CSGALNACT1: variants seen among roughly 807,000 people sequenced by gnomAD.
CSGALNACT1 encodes chondroitin sulfate N-acetylgalactosaminyltransferase 1.
In CSGALNACT1, 52 loss-of-function variants were observed where a neutral mutation model predicts 51.0. The observed-to-expected ratio is 1.02, with a 90% CI of 0.82 to 1.29. The LOEUF is 1.29. Ranked by LOEUF, CSGALNACT1 falls within the 50% of genes most tolerant of loss-of-function variation. The probability of loss-of-function intolerance (pLI) is 0.00; values close to 1 mark genes in which losing one functional copy is unlikely to be tolerated. For synonymous variants in CSGALNACT1, 341 were observed against 254.4 expected (o/e 1.34, Z -3.24); for missense variants, 935 against 679.2 (o/e 1.38, Z -4.19).
At chr8:19,539,962 C>T (rs1187701968) in intron 3 of CSGALNACT1, among the ~76,000 whole-genome samples, 1 of 152,136 alleles carries the variant, frequency 6.6e-6, no homozygotes, top group Admixed American at 6.5e-5. Flanking sequence ...CATCAGACTC[C>T]TCCCTCTTGA....
chr8:19,439,407 T>G (rs1480656820), intron 6 of CSGALNACT1, among the ~76,000 whole-genome samples: 1 of 152,222 alleles, frequency 6.6e-6, no homozygotes, highest in Non-Finnish European at 1.5e-5. Context: ...GTGGATGAGA[T>G]CTGAGCATAG....
chr8:19,503,895 T>C (rs765440582), intron 4 of CSGALNACT1, among the ~76,000 whole-genome samples: 6 of 152,120 alleles, frequency 3.9e-5, no homozygotes, highest in Non-Finnish European at 8.8e-5. Context: ...ATGGTTCACT[T>C]ATCAAGTCTA....
At chr8:19,564,813 CA>C (rs1564071772) in intron 3 of CSGALNACT1, among the ~76,000 whole-genome samples, 1 of 152,180 alleles carries the variant, frequency 6.6e-6, no homozygotes. Flanking sequence ...TACCTTGCCC[CA>C]TGAGAATGTA....
At chr8:19,462,851 G>A (rs1001915528) in intron 4 of CSGALNACT1, among the ~76,000 whole-genome samples, 9 of 151,772 alleles carry the variant, frequency 5.9e-5, no homozygotes, top group Non-Finnish European at 8.8e-5. Context: ...AGGAACATGT[G>A]TAGGTTTGTT....
At chr8:19,575,159 G>A (rs530434407) in intron 3 of CSGALNACT1, among the ~76,000 whole-genome samples, 1 of 152,266 alleles carries the variant, frequency 6.6e-6, no homozygotes, top group Non-Finnish European at 1.5e-5. Context: ...AGTGCAAAAT[G>A]CAATTTTAAA....
chr8:19,636,333 A>C lies in CSGALNACT1; in HGVS notation c.-543-34468T>G, dbSNP rs189561472. On this transcript the variant is annotated intron_variant, in intron 1 of 9. Coordinates refer to the CSGALNACT1 transcript ENST00000332246. ...TCATAGATAAGTATATATTCAAAAA[A>C]ACACTATAATATATATTAGGGTTTG... is the stretch of plus-strand genomic sequence containing the variant. Among the ~76,000 whole-genome samples, 415 of 152,358 alleles carry C rather than the reference A, an allele frequency of 2.7e-3. 4 individuals are homozygous for C. The highest frequency in any genetic ancestry group is 4.0e-3 in the Non-Finnish European group (271 of 68,034).
chr8:19,556,019 G>A (rs113052494), intron 3 of CSGALNACT1, among the ~76,000 whole-genome samples: 2 of 152,104 alleles, frequency 1.3e-5, no homozygotes, highest in Admixed American at 6.6e-5. Flanking sequence ...TCGAAGATAA[G>A]AACGATAACA....
At chr8:19,663,280 G>T (rs773317462) in intron 1 of CSGALNACT1, among the ~76,000 whole-genome samples, 4 of 152,106 alleles carry the variant, frequency 2.6e-5, no homozygotes, top group African/African-American at 4.8e-5. Context: ...AATTGTACCT[G>T]AGGTTTTTTT....
At chr8:19,593,605 G>C (rs1243640901) in intron 2 of CSGALNACT1, among the ~76,000 whole-genome samples, 1 of 152,210 alleles carries the variant, frequency 6.6e-6, no homozygotes, top group Admixed American at 6.5e-5. Context: ...TTGTTCTTTT[G>C]AGGAAGTCTG....
chr8:19,737,786 TC>T (rs373940405), intron 1 of CSGALNACT1, among the ~76,000 whole-genome samples: 121 of 152,284 alleles, frequency 7.9e-4, no homozygotes, highest in African/African-American at 2.8e-3. Context: ...TATTTTCACT[TC>T]AAAATAAAAG....
At chr8:19,573,239 A>G (rs1047589737) in intron 3 of CSGALNACT1, among the ~76,000 whole-genome samples, 5 of 152,106 alleles carry the variant, frequency 3.3e-5, no homozygotes, top group South Asian at 4.1e-4. Flanking sequence ...TCAAACATCA[A>G]CTGACTGTCA....
intron 3 of CSGALNACT1, among the ~76,000 whole-genome samples, chr8:19,555,149 A>T (rs1228619781): frequency 6.6e-6 from 1 of 151,616 alleles, no homozygotes; most frequent in Non-Finnish European, 1.5e-5. Flanking sequence ...TGAGGCAGGA[A>T]AATAGCTTGA....
chr8:19,634,855 G>C (rs1053318082), intron 1 of CSGALNACT1, among the ~76,000 whole-genome samples: 4 of 152,070 alleles, frequency 2.6e-5, no homozygotes, highest in African/African-American at 9.7e-5. Context: ...CTCGGCCTAT[G>C]GTATTTTGTG....
At chr8:19,457,660 T>C in intron 5 of CSGALNACT1, 2 of 1,290,364 alleles carry the variant, frequency 1.5e-6, no homozygotes, top group South Asian at 2.5e-5. Flanking sequence ...GATTTATAAT[T>C]AGACAGTAGG....
intron 3 of CSGALNACT1, among the ~76,000 whole-genome samples, chr8:19,562,570 T>A (rs781468656): frequency 8.0e-5 from 12 of 150,308 alleles, no homozygotes; most frequent in African/African-American, 1.5e-4. Context: ...GACAAAGGTC[T>A]AATATCCAGA....
rs188875259 is a variant in CSGALNACT1 at position 19,405,879 on chromosome 8, G to A, written c.1500C>T (p.Asn500=). Residue 500 remains asparagine (N), a synonymous_variant, in exon 10 of 10, where the codon AAC becomes AAT. Transcript: ENST00000454498. The stretch of plus-strand genomic sequence containing the variant: ...TGCCCAGCTGGCCGTGGGATGCCTC[G>A]TTCATGGCCTTGGACTGCATGCACA... 11 of 1,614,090 alleles carry A rather than the reference G, an allele frequency of 6.8e-6. No individual in the cohort carries two copies. Among genetic ancestry groups the A allele is most frequent in the Middle Eastern group, 1.6e-4 (1 of 6,062 alleles).
intron 1 of CSGALNACT1, among the ~76,000 whole-genome samples, chr8:19,714,056 A>G (rs1485508378): frequency 2.6e-5 from 4 of 152,248 alleles, no homozygotes; most frequent in Admixed American, 6.5e-5. Context: ...CTCCAGCTTC[A>G]CCCTTCTTCT....
intron 4 of CSGALNACT1, among the ~76,000 whole-genome samples, chr8:19,462,896 T>G (rs184177519): frequency 4.1e-4 from 63 of 152,230 alleles, no homozygotes; most frequent in Non-Finnish European, 7.1e-4. Flanking sequence ...GGGTTTAGTG[T>G]ACAGATAATT....
intron 3 of CSGALNACT1, among the ~76,000 whole-genome samples, chr8:19,513,404 T>TTATCTCTC (rs1554649930): frequency 1.1e-5 from 1 of 95,072 alleles, no homozygotes; most frequent in South Asian, 3.6e-4. Flanking sequence ...TCATAGAATT[T>TTATCTCTC]TCTCTCTCTC....
Sources: gnomAD v4.1 joint callset for allele counts (sites outside exome capture counted in the v4.1 genomes callset) on GRCh38, gnomAD v4.1.1 for gene constraint, MANE v1.5 for transcripts, NCBI Gene and HGNC (gene_info 2026-07-23, HGNC 2026-07-21) for gene names.